Variants in ARL14EP observed in about 807,000 individuals in gnomAD.
ARL14EP encodes ARL14 effector protein.
In ARL14EP, 12 loss-of-function variants were observed where a neutral mutation model predicts 23.1. The observed-to-expected ratio is 0.52, with a 90% CI of 0.33 to 0.84. The LOEUF is 0.84. Among genes scored for constraint, ARL14EP ranks in the 40% least tolerant of loss-of-function variants. The probability of loss-of-function intolerance (pLI) is 0.02; values close to 1 mark genes in which losing one functional copy is unlikely to be tolerated. For missense variants in ARL14EP, 253 were observed against 307.3 expected (o/e 0.82, Z 1.32); for synonymous variants, 97 against 102.0 (o/e 0.95, Z 0.29).
chr11:30,333,083 G>A, intron 3 of ARL14EP, 90 bp downstream of exon 3: 1 of 1,523,464 alleles, frequency 6.6e-7, no homozygotes, highest in Non-Finnish European at 9.0e-7. Context: ...AATTTTCTGG[G>A]TTCATATTTT....
intron 1 of ARL14EP, chr11:30,330,432 A>G (rs1255677000): frequency 6.4e-6 from 1 of 156,156 alleles, no homozygotes; most frequent in Non-Finnish European, 1.4e-5. Context: ...ACTCCATGAT[A>G]TATAGCTGCA....
Position 30,331,363 on chromosome 11 carries a change from C to G in ARL14EP, c.415C>G (p.Pro139Ala). The G allele has an allele frequency of 6.2e-7, 1 of 1,613,826 alleles. No individual in the cohort carries two copies. Among genetic ancestry groups the G allele is most frequent in the Non-Finnish European group, 8.5e-7 (1 of 1,179,818 alleles). ...TACTGAAGACCGCCAGAAAAGGAAA[C>G]CTGAGTCAGATGTATGTGTAATAGT... Reference protein sequence around the residue: ...VDTEDRQKRKPESDGRTAKAL... With the variant: ...VDTEDRQKRKAESDGRTAKAL... The change falls in exon 2 of 4, where the codon CCT becomes GCT. Residue 139 changes from proline (P) to alanine (A), a missense_variant. Pro to Ala is a conservative substitution (Grantham distance 27). Coordinates refer to ENST00000282032, the MANE Select transcript of ARL14EP (RefSeq NM_152316.3).
chr11:30,327,623 C>G (rs1053582092), intron 1 of ARL14EP, among the ~76,000 whole-genome samples: 1 of 151,942 alleles, frequency 6.6e-6, no homozygotes, highest in Non-Finnish European at 1.5e-5. Context: ...GCATTATTTT[C>G]TGTACAGTGA....
intron 1 of ARL14EP, chr11:30,328,753 C>T (rs1160268312): frequency 6.6e-6 from 1 of 151,760 alleles, no homozygotes; most frequent in East Asian, 1.9e-4. Context: ...CTGCAGAAAC[C>T]ATATCAAAAT....
intron 1 of ARL14EP, among the ~76,000 whole-genome samples, chr11:30,324,862 C>G (rs1014864412): frequency 2.6e-5 from 4 of 152,092 alleles, no homozygotes; most frequent in African/African-American, 9.7e-5. Context: ...TCTTTTGATT[C>G]TTAGGTAGTG....
chr11:30,324,252 A>AT (rs1249936426), intron 1 of ARL14EP, among the ~76,000 whole-genome samples: 2 of 152,082 alleles, frequency 1.3e-5, no homozygotes. Flanking sequence ...AAAGCCTTTA[A>AT]TTTTTTTCAT....
intron 2 of ARL14EP, among the ~76,000 whole-genome samples, chr11:30,332,485 A>G (rs1947293549): frequency 6.6e-6 from 1 of 152,166 alleles, no homozygotes; most frequent in Non-Finnish European, 1.5e-5. Context: ...TCTTAAAAAT[A>G]TATAAAATAC....
chr11:30,326,860 G>T (rs1001979122), intron 1 of ARL14EP, among the ~76,000 whole-genome samples: 1 of 152,030 alleles, frequency 6.6e-6, no homozygotes, highest in African/African-American at 2.4e-5. Flanking sequence ...AAGTGAGTGG[G>T]ATTAGTTTGC....
At chr11:30,327,935 C>T (rs1042106288) in intron 1 of ARL14EP, 5 of 148,178 alleles carry the variant, frequency 3.4e-5, no homozygotes, top group African/African-American at 1.2e-4. Flanking sequence ...AAGATCTCGC[C>T]ACTGCACTCT....
At chr11:30,332,181 T>G (rs917436545) in intron 2 of ARL14EP, among the ~76,000 whole-genome samples, 3 of 151,862 alleles carry the variant, frequency 2.0e-5, no homozygotes, top group Non-Finnish European at 2.9e-5. Context: ...TCCTTTTTAT[T>G]AAACCAAGTT....
At position 30,336,787 on chromosome 11, in the gene ARL14EP, G is replaced by T; in HGVS notation, c.775G>T (p.Ala259Ser). 1 of 1,613,540 alleles carries T rather than the reference G, an allele frequency of 6.2e-7. No individual in the cohort carries two copies. The highest frequency in any genetic ancestry group is 8.5e-7 in the Non-Finnish European group (1 of 1,179,500). The change falls in exon 4 of 4, where the codon GCT becomes TCT. Residue 259 changes from alanine to serine, a missense_variant. Coordinates refer to ENST00000282032, the MANE Select transcript of ARL14EP (RefSeq NM_152316.3). ...EGGEIIHNKH[A>S]G is the part of the protein sequence containing the mutation. Reference sequence around the variant, plus strand: ...AGGAGAAATAATTCATAATAAACATGCTGGATAATCTGCGGTACCAAACTA... The same window carrying T: ...AGGAGAAATAATTCATAATAAACATTCTGGATAATCTGCGGTACCAAACTA...
In ARL14EP at chr11:30,329,120, T is replaced by C. The variant is rs1316581956; in HGVS notation, c.-63-1766T>C. The C allele has an allele frequency of 7.9e-5, 12 of 152,278 alleles. No individual in the cohort carries two copies. The South Asian group carries it at 1.5e-3, about 18-fold the overall frequency. 9.4% of individuals were successfully genotyped at this position (152,278 alleles called of 1,614,324 possible). A position where few individuals can be genotyped will look rare whatever the true frequency, so the allele number is the denominator to read the frequency against. On this transcript the variant is annotated intron_variant, in intron 1 of 3. Transcript: ENST00000282032. ...CAGAAGTATCCACAAATGTGATATATGTTACTCTTATGTATATTTTAGTAT... is the reference window on the plus strand; with the variant it reads ...CAGAAGTATCCACAAATGTGATATACGTTACTCTTATGTATATTTTAGTAT...
At chr11:30,330,425 C>T (rs894190826) in intron 1 of ARL14EP, 1 of 153,714 alleles carries the variant, frequency 6.5e-6, no homozygotes, top group Non-Finnish European at 1.4e-5. Flanking sequence ...ATGAGCCACT[C>T]CATGATATAT....
rs768009174 is a variant in ARL14EP at position 30,324,365 on chromosome 11, TA to T, written c.-64+1164del. On this transcript the variant is annotated intron_variant, in intron 1 of 3. Coordinates refer to ENST00000282032, the MANE Select transcript of ARL14EP (RefSeq NM_152316.3). ...GTTTTGTTAAATTTCCTCTAAATGT[TA>T]CTTTTCCCACTAATAAGGAGACTGG... 9.2e-5 allele frequency among the ~76,000 whole-genome samples: 14 copies of T among 152,334 alleles called. No individual in the cohort carries two copies. The South Asian group carries it at 2.5e-3, about 27-fold the overall frequency.
intron 1 of ARL14EP, among the ~76,000 whole-genome samples, chr11:30,324,688 A>G (rs890308598): frequency 2.0e-5 from 3 of 152,180 alleles, no homozygotes; most frequent in African/African-American, 7.2e-5. Flanking sequence ...ATGGGCAGCA[A>G]GAGAAAATGC....
At chr11:30,326,132 T>G (rs532165521) in intron 1 of ARL14EP, among the ~76,000 whole-genome samples, 2 of 152,340 alleles carry the variant, frequency 1.3e-5, no homozygotes, top group African/African-American at 2.4e-5. Context: ...TTTTTCTTAC[T>G]CTTTTTTGCT....
At chr11:30,329,345 A>G (rs1167352328) in intron 1 of ARL14EP, 4 of 152,126 alleles carry the variant, frequency 2.6e-5, no homozygotes, top group African/African-American at 7.2e-5. Context: ...ACGATTTCAC[A>G]TCCTTTACAA....
At position 30,336,607 on chromosome 11, in the gene ARL14EP, G is replaced by C. The variant is rs1457507156; in HGVS notation, c.595G>C (p.Gly199Arg). Residue 199 changes from glycine to arginine, a missense_variant, in exon 4 of 4, where the codon GGT (glycine) becomes CGT (arginine). Transcript: ENST00000282032. The part of the protein sequence containing the change: ...PAKSKVYDSQ[G>R]LLIFSGMDLC... ...AAAGAGTAAGGTCTATGATAGCCAG[G>C]GTCTCCTGATTTTTAGTGGGATGGA... 1 of 1,613,826 alleles carries C rather than the reference G, an allele frequency of 6.2e-7. No individual in the cohort carries two copies. The highest frequency in any genetic ancestry group is 8.5e-7 in the Non-Finnish European group (1 of 1,179,974).
At chr11:30,330,830 C>T in intron 1 of ARL14EP, 56 bp from the exon 2 acceptor site, 2 of 928,398 alleles carry the variant, frequency 2.2e-6, no homozygotes, top group Admixed American at 2.6e-5. Flanking sequence ...AATGCTTTTT[C>T]AGTTTCCTAG....
Sources: gnomAD v4.1 joint callset for allele counts (sites outside exome capture counted in the v4.1 genomes callset) on GRCh38, gnomAD v4.1.1 for gene constraint, MANE v1.5 for transcripts, NCBI Gene and HGNC (gene_info 2026-07-23, HGNC 2026-07-21) for gene names.